UTRN: variants seen among roughly 807,000 people sequenced by gnomAD.
UTRN encodes dystrophin-related protein 1.
A neutral mutation model predicts 463.9 loss-of-function variants in UTRN; 283 were observed. That is an observed-to-expected ratio of 0.61 (90% confidence interval 0.55 to 0.67). UTRN has a LOEUF of 0.67. Among genes scored for constraint, UTRN ranks in the 30% least tolerant of loss-of-function variants. The probability of loss-of-function intolerance (pLI) is 0.00; values close to 1 mark genes in which losing one functional copy is unlikely to be tolerated. For missense variants in UTRN, 3,922 were observed against 4,084.3 expected (o/e 0.96, Z 1.08); for synonymous variants, 1,442 against 1,431.5 (o/e 1.01, Z -0.17).
intron 51 of UTRN, among the ~76,000 whole-genome samples, chr6:144,598,627 A>G (rs1166555149): frequency 1.3e-5 from 2 of 152,210 alleles, no homozygotes; most frequent in Non-Finnish European, 1.5e-5. Flanking sequence ...AAAATATGTC[A>G]AAGAAATATA....
Position 144,428,894 on chromosome 6 carries a change from G to C in UTRN, c.694+1G>C. 6.4e-7 allele frequency: 1 copy of C among 1,562,766 alleles called. No homozygotes were observed. The highest frequency in any genetic ancestry group is 8.7e-7 in the Non-Finnish European group (1 of 1,148,808). ...ATTGAAAAGCTGTTAGATCCTGAAG[G>C]TATTGTCCAGTATTTAATTTCCACC... On this transcript the variant is annotated splice_donor_variant, in intron 8 of 74. Transcript: ENST00000367545. LOFTEE classifies it high-confidence loss of function.
At chr6:144,403,685 AAG>A (rs1783124127) in intron 3 of UTRN, among the ~76,000 whole-genome samples, 1 of 152,000 alleles carries the variant, frequency 6.6e-6, no homozygotes, top group African/African-American at 2.4e-5. Context: ...CCCCACCCCA[AAG>A]ATCTACTCTT....
chr6:144,493,509 C>T, intron 33 of UTRN, 53 bp downstream of exon 33: 1 of 1,489,490 alleles, frequency 6.7e-7, no homozygotes, highest in Non-Finnish European at 9.1e-7. Context: ...CTCTCTCTCT[C>T]AATCTCTCTC....
chr6:144,730,785 A>G lies in UTRN; in HGVS notation c.7939+299A>G, dbSNP rs923269213. Among the ~76,000 whole-genome samples, 79 of 151,820 alleles carry G rather than the reference A, an allele frequency of 5.2e-4. 1 individual carries two copies. Among genetic ancestry groups the G allele is most frequent in the African/African-American group, 1.9e-3 (77 of 41,538 alleles). On this transcript the variant is annotated intron_variant, in intron 54 of 74. Transcript: ENST00000367545. ...ATTTCTATAAGAAATAAAAATTTAT[A>G]TTATATTTAAACAAGTTACATGATA...
intron 52 of UTRN, among the ~76,000 whole-genome samples, chr6:144,694,538 T>C (rs1783779365): frequency 6.6e-6 from 1 of 152,124 alleles, no homozygotes; most frequent in Non-Finnish European, 1.5e-5. Context: ...TTTTGGGTGG[T>C]AAGCTATTTA....
chr6:144,572,456 G>A (rs1443806002), intron 50 of UTRN, among the ~76,000 whole-genome samples: 2 of 152,006 alleles, frequency 1.3e-5, no homozygotes, highest in East Asian at 3.9e-4. Context: ...AGGTATACAT[G>A]TGCGTGGTGG....
intron 3 of UTRN, among the ~76,000 whole-genome samples, chr6:144,408,545 GT>G (rs1276147497): frequency 6.6e-6 from 1 of 152,224 alleles, no homozygotes; most frequent in Non-Finnish European, 1.5e-5. Context: ...CTGAACTTGA[GT>G]TTGTGCAAAT....
chr6:144,688,440 C>A (rs79926719), intron 52 of UTRN, among the ~76,000 whole-genome samples: 304 of 152,148 alleles, frequency 2.0e-3, no homozygotes, highest in African/African-American at 6.9e-3. Context: ...GTTAAAGAAC[C>A]CTGTTTGGTC....
At chr6:144,363,479 C>G (rs550346842) in intron 2 of UTRN, among the ~76,000 whole-genome samples, 2 of 152,234 alleles carry the variant, frequency 1.3e-5, no homozygotes, top group South Asian at 4.1e-4. Context: ...CCACCTGGGC[C>G]TTACATCTTC....
At chr6:144,347,332 A>G (rs1777671071) in intron 2 of UTRN, among the ~76,000 whole-genome samples, 2 of 152,236 alleles carry the variant, frequency 1.3e-5, no homozygotes, top group African/African-American at 4.8e-5. Context: ...AAGGGTGTCC[A>G]ATGTGGAGGG....
rs1463925675 is a variant in UTRN, at chr6:144,410,814, GTGTGTGTA to G, written c.141+7632_141+7639del. Among the ~76,000 whole-genome samples the G allele has an allele frequency of 1.7e-3, 222 of 132,506 alleles. 2 individuals are homozygous for G. The highest frequency in any genetic ancestry group is 0.016 in the Middle Eastern group (4 of 252). The allele number at this position is 132,506 out of a possible 152,430, so 86.9% of individuals were successfully genotyped here. The stretch of plus-strand genomic sequence containing the variant: ...TGTGTATATGTGTGTGTGTGTGTGT[GTGTGTGTA>G]TATACACACCACAATTTCTTTATTC... On this transcript the variant is annotated intron_variant, in intron 3 of 74. Coordinates refer to ENST00000367545, the MANE Select transcript of UTRN (RefSeq NM_007124.3).
chr6:144,843,417 A>C (rs914549850), intron 73 of UTRN, among the ~76,000 whole-genome samples: 1 of 152,232 alleles, frequency 6.6e-6, no homozygotes, highest in African/African-American at 2.4e-5. Flanking sequence ...GATTTTACAA[A>C]AGCTGGACCC....
intron 53 of UTRN, among the ~76,000 whole-genome samples, chr6:144,712,637 C>T (rs1374492760): frequency 1.3e-5 from 2 of 152,184 alleles, no homozygotes; most frequent in East Asian, 3.8e-4. Flanking sequence ...GTTTGTAAGA[C>T]TATTTTTGCA....
intron 40 of UTRN, among the ~76,000 whole-genome samples, 154 bp from the exon 41 acceptor site, chr6:144,522,862 T>TA (rs71894759): frequency 2.0e-5 from 3 of 148,798 alleles, no homozygotes; most frequent in East Asian, 2.0e-4. Flanking sequence ...GAGTATCATT[T>TA]AAAAAAAAAA....
intron 2 of UTRN, among the ~76,000 whole-genome samples, chr6:144,375,537 G>A (rs1038226072): frequency 6.6e-6 from 1 of 152,044 alleles, no homozygotes; most frequent in Non-Finnish European, 1.5e-5. Flanking sequence ...TGGTGGTTGG[G>A]TGTCATGGTG....
chr6:144,370,263 C>G (rs1248006419), intron 2 of UTRN, among the ~76,000 whole-genome samples: 1 of 152,168 alleles, frequency 6.6e-6, no homozygotes, highest in East Asian at 1.9e-4. Context: ...TTTAGTGGGC[C>G]AGGCCCAGGG....
intron 51 of UTRN, among the ~76,000 whole-genome samples, chr6:144,653,639 A>G (rs902719617): frequency 2.0e-5 from 3 of 151,844 alleles, no homozygotes; most frequent in African/African-American, 7.3e-5. Flanking sequence ...ACAGCATTTC[A>G]TTATGTGAGT....
rs745720587 is a variant in UTRN at position 144,678,519 on chromosome 6, T to A, written c.7593T>A (p.His2531Gln). ...GNSEEATMLQHRLDDMNQRWN... is the reference protein window; with the variant it reads ...GNSEEATMLQQRLDDMNQRWN... ...CTGAAGAGGCTACTATGCTTCAACA[T>A]CGACTGGATGATATGAACCAAAGAT... is the stretch of plus-strand genomic sequence containing the variant. Residue 2531 changes from histidine (H) to glutamine (Q), a missense_variant, in exon 52 of 75, where the codon CAT (histidine) becomes CAA (glutamine). Coordinates refer to ENST00000367545, the MANE Select transcript of UTRN (RefSeq NM_007124.3). 1 of 1,612,968 alleles carries A rather than the reference T, an allele frequency of 6.2e-7. No individual in the cohort carries two copies.
Position 144,490,158 on chromosome 6 carries a change from A to G in UTRN, c.4222A>G (p.Ser1408Gly). Residue 1408 changes from serine to glycine, a missense_variant, in exon 31 of 75, where the codon AGT (serine) becomes GGT (glycine). By Grantham distance (56) the Ser-to-Gly change is moderately conservative. Transcript: ENST00000367545. ...MRSQPLTSPE[S>G]RTARGGSQMD... Reference sequence around the variant, plus strand: ...TTCTCAGCCCCTGACCTCCCCAGAGAGTAGGACTGCCAGAGGAGGAAGTCA... The same window carrying G: ...TTCTCAGCCCCTGACCTCCCCAGAGGGTAGGACTGCCAGAGGAGGAAGTCA... 6.2e-7 allele frequency: 1 copy of G among 1,613,604 alleles called. No individual in the cohort carries two copies. The highest frequency in any genetic ancestry group is 8.5e-7 in the Non-Finnish European group (1 of 1,179,744).
Sources: allele counts gnomAD v4.1 joint callset (sites outside exome capture counted in the v4.1 genomes callset), GRCh38; gene constraint gnomAD v4.1.1; transcripts MANE v1.5; gene names NCBI Gene and HGNC (gene_info 2026-07-23, HGNC 2026-07-21).